The following SCIN variants were observed in gnomAD, a reference collection of about 807,000 sequenced individuals.
SCIN encodes the protein adseverin.
SCIN carries 91 observed loss-of-function variants against 91.8 expected under a neutral mutation model. That is an observed-to-expected ratio of 0.99 (90% CI 0.84 to 1.18). The LOEUF (loss-of-function observed/expected upper bound fraction) is 1.18. Ranked by LOEUF, SCIN falls within the 50% of genes most tolerant of loss-of-function variation. The pLI is 0.00. For synonymous variants in SCIN, 367 were observed against 312.6 expected (o/e 1.17, Z -1.84); for missense variants, 1,087 against 863.9 (o/e 1.26, Z -3.24).
At chr7:12,645,189 G>A (rs62448335) in intron 13 of SCIN, among the ~76,000 whole-genome samples, 6,229 of 148,990 alleles carry the variant, frequency 0.042, 168 homozygotes, top group East Asian at 0.065. Context: ...CATGGTGGTG[G>A]GTGCCTGTAG....
At chr7:12,630,123 T>G (rs2115279512) in intron 9 of SCIN, among the ~76,000 whole-genome samples, 1 of 152,184 alleles carries the variant, frequency 6.6e-6, no homozygotes, top group East Asian at 1.9e-4. Flanking sequence ...GTGACATTTC[T>G]TTTTGGTGAA....
intron 2 of SCIN, among the ~76,000 whole-genome samples, chr7:12,578,736 A>T (rs1782424352): frequency 6.6e-6 from 1 of 151,966 alleles, no homozygotes; most frequent in Admixed American, 6.6e-5. Flanking sequence ...CTTAGAAGGG[A>T]TGCAGATGAA....
chr7:12,635,900 A>G, intron 9 of SCIN, 145 bp from the exon 10 acceptor site: 1 of 642,226 alleles, frequency 1.6e-6, no homozygotes, highest in Non-Finnish European at 2.8e-6. Context: ...CCTTGACAAA[A>G]ACAATAGCTT....
At chr7:12,638,805 C>G (rs890571361) in intron 10 of SCIN, among the ~76,000 whole-genome samples, 1 of 152,044 alleles carries the variant, frequency 6.6e-6, no homozygotes. Flanking sequence ...TAACTTGCTA[C>G]TTTTAATCAA....
intron 2 of SCIN, among the ~76,000 whole-genome samples, chr7:12,580,304 G>A: frequency 6.8e-6 from 1 of 146,838 alleles, no homozygotes; most frequent in Non-Finnish European, 1.5e-5. Context: ...AAATGAAAAG[G>A]TAAAAGATCA....
chr7:12,595,327 G>A (rs115133154), intron 3 of SCIN, among the ~76,000 whole-genome samples: 5,985 of 152,214 alleles, frequency 0.039, 383 homozygotes, highest in African/African-American at 0.14. Flanking sequence ...ACAAGAGGGC[G>A]TAACTTAGGT....
At chr7:12,582,901 C>A (rs1782517468) in intron 3 of SCIN, among the ~76,000 whole-genome samples, 1 of 152,162 alleles carries the variant, frequency 6.6e-6, no homozygotes, top group Non-Finnish European at 1.5e-5. Context: ...ACCACTTGTA[C>A]TCTAAAGCCC....
chr7:12,651,729 C>A lies in SCIN; in HGVS notation c.1960-112C>A. ...ACCACCTCCACGTCCCTAACTTCTG[C>A]GGATATTGTGAAGATTGAATGAGCA... On this transcript the variant is annotated intron_variant, in intron 14 of 15. Transcript: ENST00000297029. This position sits in a 1 kb window ranked among gnomAD's most constrained non-coding sequence, Gnocchi z 5.9. 4 of 677,044 alleles carry A rather than the reference C, an allele frequency of 5.9e-6. No individual in the cohort carries two copies. The highest frequency in any genetic ancestry group is 1.0e-5 in the Non-Finnish European group (4 of 392,826). 41.9% of individuals were successfully genotyped at this position (677,044 alleles called of 1,614,324 possible). A position where few individuals can be genotyped will look rare whatever the true frequency, so the allele number is the denominator to read the frequency against.
intron 4 of SCIN, among the ~76,000 whole-genome samples, chr7:12,621,148 C>T (rs1445302224): frequency 2.0e-5 from 3 of 152,044 alleles, no homozygotes; most frequent in Admixed American, 1.3e-4. Context: ...GCTCTTTCTA[C>T]GCCAGATGTA....
At chr7:12,587,798 T>C (rs1476674211) in intron 3 of SCIN, among the ~76,000 whole-genome samples, 3 of 152,208 alleles carry the variant, frequency 2.0e-5, no homozygotes, top group East Asian at 3.9e-4. Context: ...TTAGATTTCC[T>C]ACTTTTTTCA....
intron 1 of SCIN, chr7:12,577,785 G>C: frequency 2.4e-6 from 1 of 424,878 alleles, no homozygotes; most frequent in Non-Finnish European, 4.3e-6. Flanking sequence ...AAGCCCCAGA[G>C]TTTGGGGTTA....
chr7:12,605,821 C>G (rs953638342), intron 4 of SCIN, among the ~76,000 whole-genome samples: 1 of 152,100 alleles, frequency 6.6e-6, no homozygotes, highest in African/African-American at 2.4e-5. Flanking sequence ...TCATTTTAAG[C>G]TAAGAATTAT....
In SCIN at chr7:12,649,499, T is replaced by C; in HGVS notation, c.1914T>C (p.Asp638=). 2 of 1,603,252 alleles carry C rather than the reference T, an allele frequency of 1.2e-6. No individual in the cohort carries two copies. The highest frequency in any genetic ancestry group is 4.5e-5 in the East Asian group (2 of 44,638). The change falls in exon 14 of 16, where the codon GAT becomes GAC. Residue 638 remains aspartate, a synonymous_variant. Coordinates refer to ENST00000297029, the MANE Select transcript of SCIN (RefSeq NM_001112706.3). ...AGATTCCAGGAGAGTTCACCCAGGATGATTTAGCTGAAGATGATGTCATGT... is the reference window on the plus strand; with the variant it reads ...AGATTCCAGGAGAGTTCACCCAGGACGATTTAGCTGAAGATGATGTCATGT... ...IEEIPGEFTQ[D]DLAEDDVMLL...
intron 1 of SCIN, 135 bp from the exon 2 acceptor site, chr7:12,577,929 A>G (rs1290918220): frequency 4.1e-6 from 3 of 735,422 alleles, no homozygotes; most frequent in Non-Finnish European, 4.2e-6. Context: ...TATTTTAGCT[A>G]AAAGATCTTT....
At chr7:12,649,374 C>T (rs1784031721) in intron 13 of SCIN, 93 bp from the exon 14 acceptor site, 1 of 656,028 alleles carries the variant, frequency 1.5e-6, no homozygotes, top group African/African-American at 1.9e-5. Context: ...TTTATTTTCA[C>T]TATACTCAAA....
intron 2 of SCIN, among the ~76,000 whole-genome samples, chr7:12,578,458 A>C (rs1414160863): frequency 6.6e-6 from 1 of 152,176 alleles, no homozygotes; most frequent in Non-Finnish European, 1.5e-5. Flanking sequence ...TTAATTTGAT[A>C]GGTTAATTTT....
chr7:12,649,965 A>G (rs892892597), intron 14 of SCIN, among the ~76,000 whole-genome samples: 1 of 152,144 alleles, frequency 6.6e-6, no homozygotes, highest in African/African-American at 2.4e-5. Context: ...GGGAAGAAAC[A>G]GGCAGAATAG....
At chr7:12,643,871 A>T (rs1283068007) in intron 11 of SCIN, among the ~76,000 whole-genome samples, 1 of 152,148 alleles carries the variant, frequency 6.6e-6, no homozygotes, top group African/African-American at 2.4e-5. Flanking sequence ...AGAAAGTCAT[A>T]CCAGTGACAT....
At chr7:12,640,096 C>T (rs920604698) in intron 10 of SCIN, among the ~76,000 whole-genome samples, 1 of 152,176 alleles carries the variant, frequency 6.6e-6, no homozygotes, top group African/African-American at 2.4e-5. Context: ...AGTATTGGAG[C>T]ATGGTGATGT....
Sources: allele counts gnomAD v4.1 joint callset (sites outside exome capture counted in the v4.1 genomes callset), GRCh38; gene constraint gnomAD v4.1.1; non-coding constraint Gnocchi (gnomAD v3.1); transcripts MANE v1.5; gene names NCBI Gene and HGNC (gene_info 2026-07-23, HGNC 2026-07-21).